The following CSMD3 variants were observed in gnomAD, a reference collection of about 807,000 sequenced individuals.
CSMD3 encodes the protein CUB and sushi domain-containing protein 3.
Under a neutral mutation model 435.2 loss-of-function variants are expected in CSMD3, and 177 were observed. That is an observed-to-expected ratio of 0.41 (90% CI 0.36 to 0.46). CSMD3 has a LOEUF of 0.46. CSMD3 is among the 20% of genes least tolerant of loss of function. The pLI is 0.34. For missense variants in CSMD3, 4,265 were observed against 4,504.6 expected (o/e 0.95, Z 1.52); for synonymous variants, 1,656 against 1,520.5 (o/e 1.09, Z -2.07).
chr8:112,457,090 T>C (rs1240816718), intron 32 of CSMD3, among the ~76,000 whole-genome samples: 2 of 152,140 alleles, frequency 1.3e-5, no homozygotes, highest in African/African-American at 4.8e-5. Flanking sequence ...CCTTGGACTT[T>C]GCATCCTTCT....
At position 112,605,735 on chromosome 8, in the gene CSMD3, A is replaced by G. The variant is rs956785409; in HGVS notation, c.3716-18500T>C. On this transcript the variant is annotated intron_variant, in intron 22 of 70. Transcript: ENST00000297405. ...AATCTGTACACCAAACAGCCATGAC[A>G]TGCAATTTACTCATGTAACAAACCT... Among the ~76,000 whole-genome samples, 72 of 152,172 alleles carry G rather than the reference A, an allele frequency of 4.7e-4. 2 individuals are homozygous for G. Among genetic ancestry groups the G allele is most frequent in the Non-Finnish European group, 2.9e-5 (2 of 68,022 alleles).
At chr8:113,173,543 A>G (rs1442613928) in intron 4 of CSMD3, among the ~76,000 whole-genome samples, 179 bp downstream of exon 4, 1 of 151,892 alleles carries the variant, frequency 6.6e-6, no homozygotes, top group Non-Finnish European at 1.5e-5. Flanking sequence ...GCTGGTCTCA[A>G]ACTCCTGACC....
intron 10 of CSMD3, among the ~76,000 whole-genome samples, chr8:112,898,435 G>T (rs1421415248): frequency 1.3e-5 from 2 of 151,198 alleles, no homozygotes; most frequent in Admixed American, 6.6e-5. Flanking sequence ...GGGCATAAAA[G>T]ACTTTTGTTA....
At chr8:112,400,044 C>A (rs1229992017) in intron 35 of CSMD3, among the ~76,000 whole-genome samples, 1 of 152,262 alleles carries the variant, frequency 6.6e-6, no homozygotes, top group Non-Finnish European at 1.5e-5. Flanking sequence ...GCTGCTGCCA[C>A]GTATTTAGGT....
At chr8:112,542,682 G>T (rs1345770352) in intron 27 of CSMD3, among the ~76,000 whole-genome samples, 1 of 151,874 alleles carries the variant, frequency 6.6e-6, no homozygotes, top group Non-Finnish European at 1.5e-5. Context: ...TGGAAGAACA[G>T]CCTCTGTTCA....
At chr8:112,596,585 A>G (rs889674620) in intron 22 of CSMD3, among the ~76,000 whole-genome samples, 4 of 152,048 alleles carry the variant, frequency 2.6e-5, no homozygotes, top group African/African-American at 9.7e-5. Flanking sequence ...ACCACACCAC[A>G]CCTATTCCAA....
intron 20 of CSMD3, chr8:112,643,732 C>T: frequency 6.4e-6 from 1 of 155,256 alleles, no homozygotes; most frequent in Non-Finnish European, 1.5e-5. Context: ...TCACAGTTTA[C>T]AAAGTCTTCT....
intron 23 of CSMD3, among the ~76,000 whole-genome samples, chr8:112,582,211 C>G (rs1175630260): frequency 6.6e-6 from 1 of 151,902 alleles, no homozygotes; most frequent in Non-Finnish European, 1.5e-5. Context: ...TGTCCCTTTG[C>G]TCTCTTGCTC....
intron 11 of CSMD3, among the ~76,000 whole-genome samples, chr8:112,854,370 T>C (rs2080585932): frequency 6.6e-6 from 1 of 152,148 alleles, no homozygotes; most frequent in Admixed American, 6.5e-5. Flanking sequence ...TGAAACAGAT[T>C]TTGAAAACAA....
rs775761338 is a variant in CSMD3, at chr8:112,346,106, T to C, written c.6433A>G (p.Ile2145Val). The change falls in exon 41 of 71, where the codon ATA becomes GTA. Residue 2145 changes from isoleucine (I) to valine (V), a missense_variant. Coordinates refer to ENST00000297405, the MANE Select transcript of CSMD3 (RefSeq NM_198123.2). ...LDCTWTINLPIGFGVHLQFVN... is the reference protein window; with the variant it reads ...LDCTWTINLPVGFGVHLQFVN... ...TTTTTAATACACATACCAAAACCTATGGGTAGATTTATTGTCCATGTGCAA... is the reference window on the plus strand; with the variant it reads ...TTTTTAATACACATACCAAAACCTACGGGTAGATTTATTGTCCATGTGCAA... 1.3e-6 allele frequency: 2 copies of C among 1,573,288 alleles called. No individual in the cohort carries two copies. The highest frequency in any genetic ancestry group is 2.2e-5 in the South Asian group (2 of 90,298).
At chr8:113,344,076 C>T (rs1342030813) in intron 1 of CSMD3, among the ~76,000 whole-genome samples, 2 of 151,874 alleles carry the variant, frequency 1.3e-5, no homozygotes, top group African/African-American at 4.8e-5. Context: ...AGTGTTTTTT[C>T]TTACATATAT....
chr8:112,567,927 G>A (rs115286586), intron 24 of CSMD3, among the ~76,000 whole-genome samples: 83 of 152,222 alleles, frequency 5.5e-4, no homozygotes, highest in African/African-American at 1.9e-3. Context: ...CTTGTGTCGC[G>A]TAAAGTACCT....
intron 32 of CSMD3, among the ~76,000 whole-genome samples, chr8:112,460,880 A>G (rs188559968): frequency 6.6e-6 from 1 of 152,282 alleles, no homozygotes; most frequent in East Asian, 1.9e-4. Flanking sequence ...ATAAGAGAAT[A>G]CTATTCAAAT....
intron 3 of CSMD3, among the ~76,000 whole-genome samples, chr8:113,265,010 C>T (rs181418423): frequency 2.0e-5 from 3 of 151,712 alleles, no homozygotes; most frequent in African/African-American, 7.2e-5. Flanking sequence ...ATGAGTAAAA[C>T]ATGTTCTATA....
intron 23 of CSMD3, among the ~76,000 whole-genome samples, chr8:112,579,670 T>C (rs1216233550): frequency 6.6e-6 from 1 of 152,020 alleles, no homozygotes; most frequent in African/African-American, 2.4e-5. Context: ...AATTTAACAA[T>C]AGCCTGTCAT....
Position 112,327,426 on chromosome 8 carries a change from C to T in CSMD3, c.7166-7445G>A, listed in dbSNP as rs961578625. On this transcript the variant is annotated intron_variant, in intron 45 of 70. Coordinates refer to ENST00000297405, the MANE Select transcript of CSMD3 (RefSeq NM_198123.2). ...AAGTGAAATGAGGTGGACAAGGTCA[C>T]ACATTCAGCCACTGGTGGAACTGAA... Among the ~76,000 whole-genome samples, 31 of 152,250 alleles carry T rather than the reference C, an allele frequency of 2.0e-4. No homozygotes were observed. The East Asian group carries it at 4.8e-3, about 24-fold the overall frequency.
intron 2 of CSMD3, among the ~76,000 whole-genome samples, chr8:113,285,833 G>GTA (rs752353063): frequency 1.6e-3 from 251 of 152,224 alleles, no homozygotes; most frequent in South Asian, 2.1e-3. Context: ...AAAAATGCAT[G>GTA]TAAACTCATA....
intron 22 of CSMD3, among the ~76,000 whole-genome samples, chr8:112,593,855 T>C (rs886958717): frequency 2.6e-5 from 4 of 152,150 alleles, no homozygotes; most frequent in African/African-American, 4.8e-5. Context: ...AACTATAATA[T>C]TGTCTGTAAA....
intron 1 of CSMD3, chr8:113,376,733 T>C (rs2094385958): frequency 6.2e-7 from 1 of 1,613,888 alleles, no homozygotes; most frequent in African/African-American, 1.3e-5. Context: ...AGCCAGGATA[T>C]CTACCTGAGG....
Sources: allele counts gnomAD v4.1 joint callset (sites outside exome capture counted in the v4.1 genomes callset), GRCh38; gene constraint gnomAD v4.1.1; transcripts MANE v1.5; gene names NCBI Gene and HGNC (gene_info 2026-07-23, HGNC 2026-07-21).